Variants in GTF2I observed in about 807,000 individuals in gnomAD.
GTF2I encodes general transcription factor II-I.
A neutral mutation model predicts 67.6 loss-of-function variants in GTF2I; 12 were observed. The observed-to-expected ratio is 0.18, with a 90% confidence interval of 0.11 to 0.29. The LOEUF (loss-of-function observed/expected upper bound fraction) is 0.29. GTF2I is among the 10% of genes least tolerant of loss of function. GTF2I has a pLI of 1.00. For missense variants in GTF2I, 271 were observed against 580.1 expected, an observed-to-expected ratio of 0.47 and a Z score of 5.47; for synonymous variants, 149 against 197.0, an observed-to-expected ratio of 0.76 and a Z score of 2.04.
chr7:74,701,199 G>T (rs1789688063), intron 6 of GTF2I, among the ~76,000 whole-genome samples: 1 of 152,132 alleles, frequency 6.6e-6, no homozygotes, highest in African/African-American at 2.4e-5. Context: ...GCTTCCTTTA[G>T]GGAAGTCTAG....
chr7:74,691,197 T>C (rs1236424931), intron 3 of GTF2I, 86 bp downstream of exon 3: 1 of 1,011,346 alleles, frequency 9.9e-7, no homozygotes, highest in African/African-American at 1.7e-5. Flanking sequence ...ATTTTCTTTC[T>C]TTCTTTCTTT....
intron 1 of GTF2I, among the ~76,000 whole-genome samples, chr7:74,668,326 G>A (rs1396196286): frequency 9.6e-6 from 1 of 104,288 alleles, no homozygotes; most frequent in Non-Finnish European, 1.9e-5. Flanking sequence ...GCATGGCAAA[G>A]CCCATTGTGT....
At chr7:74,687,327 C>T (rs587747878) in intron 1 of GTF2I, among the ~76,000 whole-genome samples, 25 of 152,072 alleles carry the variant, frequency 1.6e-4, no homozygotes, top group African/African-American at 6.0e-4. Flanking sequence ...TGGGCTCAAG[C>T]GATTCTCCTG....
chr7:74,716,660 A>G (rs1792298764), intron 10 of GTF2I: 1 of 411,554 alleles, frequency 2.4e-6, no homozygotes, highest in African/African-American at 2.0e-5. Flanking sequence ...CCCCAAACCT[A>G]CTTAGGTCTA....
intron 1 of GTF2I, among the ~76,000 whole-genome samples, chr7:74,684,182 G>T (rs2131267483): frequency 6.6e-6 from 1 of 152,286 alleles, no homozygotes; most frequent in South Asian, 2.1e-4. Context: ...CCCACCCAGG[G>T]TTGCTGTGCT....
intron 6 of GTF2I, 50 bp from the exon 7 acceptor site, chr7:74,705,114 A>G: frequency 1.8e-6 from 2 of 1,084,712 alleles, no homozygotes; most frequent in Admixed American, 3.4e-5. Context: ...TAGACATATT[A>G]TATTTGAAAT....
chr7:74,708,901 A>G (rs1554402019), intron 8 of GTF2I, among the ~76,000 whole-genome samples: 1 of 152,214 alleles, frequency 6.6e-6, no homozygotes, highest in Non-Finnish European at 1.5e-5. Context: ...CTTCCTACAA[A>G]GAAATCCATT....
chr7:74,664,770 A>G (rs1212839777), intron 1 of GTF2I, among the ~76,000 whole-genome samples: 1 of 151,838 alleles, frequency 6.6e-6, no homozygotes, highest in Non-Finnish European at 1.5e-5. Context: ...CTAGTTACTT[A>G]AAAAATATAT....
At chr7:74,708,383 T>G (rs1485137741) in intron 8 of GTF2I, among the ~76,000 whole-genome samples, 1 of 152,196 alleles carries the variant, frequency 6.6e-6, no homozygotes, top group Non-Finnish European at 1.5e-5. Context: ...TACTAAGGTT[T>G]TTTTTAAGGA....
chr7:74,694,135 G>C (rs782347376), intron 3 of GTF2I, among the ~76,000 whole-genome samples: 1 of 152,212 alleles, frequency 6.6e-6, no homozygotes, highest in African/African-American at 2.4e-5. Context: ...TTTGAATGGT[G>C]TGGATAGAAG....
chr7:74,711,073 T>G lies in GTF2I; in HGVS notation c.727T>G (p.Ser243Ala). ...GGCAGCTGTGACAGTAAAGGAAGAA[T>G]CAGAAGATCCTGATTATTATCAATA... ...EMAAVTVKEE[S>A]EDPDYYQYNI... The change falls in exon 9 of 35, where the codon TCA (serine) becomes GCA (alanine). Residue 243 changes from serine (S) to alanine (A), a missense_variant. Physicochemically the swap from Ser to Ala is moderately conservative, Grantham distance 99. Coordinates refer to ENST00000573035, the MANE Select transcript of GTF2I (RefSeq NM_032999.4). 6.5e-7 allele frequency: 1 copy of G among 1,536,956 alleles called. No individual in the cohort carries two copies. Among genetic ancestry groups the G allele is most frequent in the Non-Finnish European group, 8.9e-7 (1 of 1,126,768 alleles).
In GTF2I at chr7:74,702,909, C is replaced by G. The variant is rs112692872; in HGVS notation, c.587-2255C>G. ...CACCATACCCAGCTCATTTCTGAAC[C>G]TTTTTTTGGTAGAGACAAGCTCTTG... On this transcript the variant is annotated intron_variant, in intron 6 of 34. Coordinates refer to ENST00000573035, the MANE Select transcript of GTF2I (RefSeq NM_032999.4). Among the ~76,000 whole-genome samples the G allele has an allele frequency of 4.1e-3, 627 of 151,648 alleles. 3 individuals carry two copies. Among genetic ancestry groups the G allele is most frequent in the African/African-American group, 0.014 (590 of 41,364 alleles).
chr7:74,658,649 G>C (rs1396496624), intron 1 of GTF2I, among the ~76,000 whole-genome samples: 1 of 150,568 alleles, frequency 6.6e-6, no homozygotes, highest in Non-Finnish European at 1.5e-5. Context: ...CCTGGTAACT[G>C]CGGCGGGCGG....
intron 12 of GTF2I, chr7:74,727,564 G>A (rs782785877): frequency 2.6e-5 from 4 of 152,154 alleles, no homozygotes; most frequent in Admixed American, 6.5e-5. Context: ...TAAAAAGATA[G>A]TGTCTTGTAC....
Position 74,699,061 on chromosome 7 carries a change from A to G in GTF2I, c.339A>G (p.Arg113=). Residue 113 remains arginine (R), a synonymous_variant, in exon 4 of 35, where the codon AGA becomes AGG. Coordinates refer to ENST00000573035, the MANE Select transcript of GTF2I (RefSeq NM_032999.4). The part of the protein sequence containing the change: ...SVDAVEIETL[R]KTVEDYFCFC... Reference sequence around the variant, plus strand: ...ATGCTGTAGAAATTGAAACACTCAGAAAAACAGTTGAGGACTATTTCTGCT... The same window carrying G: ...ATGCTGTAGAAATTGAAACACTCAGGAAAACAGTTGAGGACTATTTCTGCT... The G allele has an allele frequency of 1.3e-6, 2 of 1,535,168 alleles. No individual in the cohort carries two copies. Among genetic ancestry groups the G allele is most frequent in the South Asian group, 1.3e-5 (1 of 75,606 alleles).
chr7:74,716,452 C>G (rs1437138430), intron 10 of GTF2I, among the ~76,000 whole-genome samples: 2 of 152,056 alleles, frequency 1.3e-5, no homozygotes, highest in Non-Finnish European at 2.9e-5. Context: ...AAATGGAAAG[C>G]ATGAAACATT....
chr7:74,676,365 C>A (rs1554392398), intron 1 of GTF2I, among the ~76,000 whole-genome samples: 1 of 152,112 alleles, frequency 6.6e-6, no homozygotes. Context: ...TGCCTGTAGT[C>A]CCAGCTAATT....
chr7:74,667,322 G>A lies in GTF2I; in HGVS notation c.-6+9254G>A, dbSNP rs1327139804. On this transcript the variant is annotated intron_variant, in intron 1 of 34. Transcript: ENST00000573035. ...CTTGCCACTGCTCTCCAGCCTAGGCGACAGAGCAAGACACCATCTCAAAAA... is the reference window on the plus strand; with the variant it reads ...CTTGCCACTGCTCTCCAGCCTAGGCAACAGAGCAAGACACCATCTCAAAAA... Among the ~76,000 whole-genome samples the A allele has an allele frequency of 7.2e-5, 11 of 152,150 alleles. No homozygotes were observed. In the East Asian group the frequency reaches 1.2e-3, roughly 16 times the overall value.
Position 74,699,032 on chromosome 7 carries a change from G to A in GTF2I, c.310G>A (p.Val104Ile), listed in dbSNP as rs906057032. The change falls in exon 4 of 35, where the codon GTA becomes ATA. Residue 104 changes from valine to isoleucine, a missense_variant. Physicochemically the swap from Val to Ile is conservative, Grantham distance 29. Around this residue, in one of 9 missense-constraint regions of GTF2I, gnomAD observed 72 missense variants for 87.4 expected, o/e 0.82. Coordinates refer to ENST00000573035, the MANE Select transcript of GTF2I (RefSeq NM_032999.4). ...KSTTQANRMS[V>I]DAVEIETLRK... ...TACAACCCAGGCAAATCGGATGAGT[G>A]TAGATGCTGTAGAAATTGAAACACT... 2 of 1,557,042 alleles carry A rather than the reference G, an allele frequency of 1.3e-6. No individual in the cohort carries two copies. The highest frequency in any genetic ancestry group is 1.2e-5 in the South Asian group (1 of 80,152).
Sources: allele counts gnomAD v4.1 joint callset (sites outside exome capture counted in the v4.1 genomes callset), GRCh38; gene constraint gnomAD v4.1.1; regional missense constraint gnomAD v4.1.1; transcripts MANE v1.5; gene names NCBI Gene and HGNC (gene_info 2026-07-23, HGNC 2026-07-21).